Variants in PRKG1 observed in about 807,000 individuals in gnomAD.
PRKG1 encodes cGMP-dependent protein kinase 1.
A neutral mutation model predicts 88.1 loss-of-function variants in PRKG1; 35 were observed. The ratio of observed to expected loss-of-function variants is 0.40; its 90% CI spans 0.30 to 0.53. The LOEUF (loss-of-function observed/expected upper bound fraction) is 0.53, where lower values mean the gene tolerates loss of function less well. Among genes scored for constraint, PRKG1 ranks in the 20% least tolerant of loss-of-function variants. The probability of loss-of-function intolerance (pLI) is 0.59; values close to 1 mark genes in which losing one functional copy is unlikely to be tolerated. For synonymous variants in PRKG1, 303 were observed against 292.5 expected (o/e 1.04, Z -0.37); for missense variants, 540 against 839.8 (o/e 0.64, Z 4.41).
Position 52,258,307 on chromosome 10 carries a change from A to G in PRKG1, c.1173+6641A>G, listed in dbSNP as rs186637317. On this transcript the variant is annotated intron_variant, in intron 10 of 17. Coordinates refer to ENST00000373980, the MANE Select transcript of PRKG1 (RefSeq NM_006258.4). Reference sequence around the variant, plus strand: ...GATAAAACAGCTCTTACAAAAGTTGACATTTAGGTCATACTTGCCTTTTTT... The same window carrying G: ...GATAAAACAGCTCTTACAAAAGTTGGCATTTAGGTCATACTTGCCTTTTTT... Among the ~76,000 whole-genome samples the G allele has an allele frequency of 9.7e-4, 136 of 139,588 alleles. 13 individuals carry two copies. The highest frequency in any genetic ancestry group is 3.2e-3 in the African/African-American group (129 of 40,460). The allele number at this position is 139,588 out of a possible 152,430, so 91.6% of individuals were successfully genotyped here.
chr10:51,871,359 T>C (rs1841152636), intron 4 of PRKG1, among the ~76,000 whole-genome samples: 2 of 152,190 alleles, frequency 1.3e-5, no homozygotes, highest in South Asian at 2.1e-4. Context: ...GCCTGGTTCA[T>C]GTGTGATCCC....
chr10:51,267,509 A>G (rs1046369766), intron 2 of PRKG1, among the ~76,000 whole-genome samples: 2 of 152,142 alleles, frequency 1.3e-5, no homozygotes, highest in African/African-American at 4.8e-5. Flanking sequence ...GTTTATTTCT[A>G]TCAGATAATT....
intron 4 of PRKG1, among the ~76,000 whole-genome samples, chr10:51,817,474 T>C (rs1402184764): frequency 3.9e-5 from 6 of 152,042 alleles, no homozygotes; most frequent in Non-Finnish European, 8.8e-5. Context: ...CTATGTTAGT[T>C]TGCTGAGAAT....
chr10:51,717,717 AG>A (rs1841918957), intron 3 of PRKG1, among the ~76,000 whole-genome samples: 1 of 151,958 alleles, frequency 6.6e-6, no homozygotes, highest in African/African-American at 2.4e-5. Flanking sequence ...CTGTAGTCCC[AG>A]CTATTCAGGA....
chr10:51,905,986 C>T (rs1475698039), intron 4 of PRKG1, among the ~76,000 whole-genome samples: 7 of 151,862 alleles, frequency 4.6e-5, no homozygotes. Flanking sequence ...AATTAATTAT[C>T]TAATTACACT....
At chr10:52,019,041 G>C (rs892454790) in intron 5 of PRKG1, among the ~76,000 whole-genome samples, 7 of 152,162 alleles carry the variant, frequency 4.6e-5, no homozygotes, top group Admixed American at 6.5e-5. Flanking sequence ...GACATCTGGT[G>C]AGGGCCTCAT....
chr10:51,497,286 C>T (rs561300401), intron 3 of PRKG1, among the ~76,000 whole-genome samples: 14 of 152,260 alleles, frequency 9.2e-5, no homozygotes, highest in Admixed American at 7.2e-4. Context: ...TCTTTCTTAA[C>T]AGTCCTTGGA....
At chr10:51,136,631 A>G (rs1199771601) in intron 1 of PRKG1, among the ~76,000 whole-genome samples, 1 of 150,258 alleles carries the variant, frequency 6.7e-6, no homozygotes, top group African/African-American at 2.4e-5. Context: ...GGAGATGAAA[A>G]TACAGGAGAT....
intron 3 of PRKG1, among the ~76,000 whole-genome samples, chr10:51,782,462 T>G (rs1178887566): frequency 1.3e-5 from 2 of 152,114 alleles, no homozygotes; most frequent in African/African-American, 4.8e-5. Context: ...CTTCTACTAG[T>G]CTAATATTAC....
intron 4 of PRKG1, among the ~76,000 whole-genome samples, chr10:51,899,350 C>T (rs1426842951): frequency 6.6e-6 from 1 of 151,622 alleles, no homozygotes; most frequent in Non-Finnish European, 1.5e-5. Flanking sequence ...ATTAAAATAA[C>T]CATATTTTCC....
chr10:51,175,557 C>A (rs546885027), intron 2 of PRKG1, among the ~76,000 whole-genome samples: 2 of 152,004 alleles, frequency 1.3e-5, no homozygotes, highest in South Asian at 4.1e-4. Flanking sequence ...AACATAAAAC[C>A]TCATTCAAAT....
chr10:51,541,555 G>A (rs543032419), intron 3 of PRKG1, among the ~76,000 whole-genome samples: 194 of 152,250 alleles, frequency 1.3e-3, no homozygotes, highest in African/African-American at 4.3e-3. Flanking sequence ...TGCATTAAAA[G>A]CATAGGAAAA....
At chr10:51,396,136 C>T (rs293226) in intron 2 of PRKG1, among the ~76,000 whole-genome samples, 2,841 of 152,200 alleles carry the variant, frequency 0.019, 82 homozygotes, top group African/African-American at 0.065. Flanking sequence ...CTGTAATCTC[C>T]GCACTTTAGT....
chr10:51,932,762 T>C (rs1187084953), intron 5 of PRKG1, among the ~76,000 whole-genome samples: 1 of 152,154 alleles, frequency 6.6e-6, no homozygotes, highest in African/African-American at 2.4e-5. Flanking sequence ...CTTTACAATT[T>C]CTGTTTCAAT....
intron 5 of PRKG1, among the ~76,000 whole-genome samples, chr10:51,935,822 T>C (rs1842788640): frequency 6.6e-6 from 1 of 152,124 alleles, no homozygotes; most frequent in South Asian, 2.1e-4. Context: ...TCAGCATAGG[T>C]ATTCACCACA....
chr10:51,298,964 G>A (rs1840797749), intron 2 of PRKG1, among the ~76,000 whole-genome samples: 1 of 152,086 alleles, frequency 6.6e-6, no homozygotes, highest in Non-Finnish European at 1.5e-5. Flanking sequence ...GTGTTTTCCT[G>A]GTATTTAAGT....
rs556165392 is a variant in PRKG1, at chr10:51,177,809, G to A, written c.478+24479G>A. Reference sequence around the variant, plus strand: ...AAATTTAACCTAATTAATGTGAATAGTATCAATATGATTACATTTATATTT... The same window carrying A: ...AAATTTAACCTAATTAATGTGAATAATATCAATATGATTACATTTATATTT... On this transcript the variant is annotated intron_variant, in intron 2 of 17. Coordinates refer to ENST00000373980, the MANE Select transcript of PRKG1 (RefSeq NM_006258.4). 7.9e-5 allele frequency among the ~76,000 whole-genome samples: 12 copies of A among 151,794 alleles called. No individual in the cohort carries two copies. In the Middle Eastern group the frequency reaches 0.01, roughly 133 times the overall value.
At chr10:51,437,814 T>G (rs1185454082) in intron 2 of PRKG1, among the ~76,000 whole-genome samples, 1 of 150,100 alleles carries the variant, frequency 6.7e-6, no homozygotes, top group Non-Finnish European at 1.5e-5. Context: ...CATTTTTGAT[T>G]GTTACAACTG....
chr10:51,456,008 A>G (rs1839574711), intron 2 of PRKG1, among the ~76,000 whole-genome samples: 1 of 152,236 alleles, frequency 6.6e-6, no homozygotes, highest in Non-Finnish European at 1.5e-5. Context: ...TAATAAAGAC[A>G]TACCTGAGAC....
Sources: allele counts gnomAD v4.1 joint callset (sites outside exome capture counted in the v4.1 genomes callset), GRCh38; gene constraint gnomAD v4.1.1; transcripts MANE v1.5; gene names NCBI Gene and HGNC (gene_info 2026-07-23, HGNC 2026-07-21).